The following PCSK6 variants were observed in gnomAD, a reference collection of about 807,000 sequenced individuals.
PCSK6 encodes the protein paired basic amino acid cleaving enzyme 4.
A neutral mutation model predicts 123.3 loss-of-function variants in PCSK6; 85 were observed. That is an observed-to-expected ratio of 0.69 (90% CI 0.58 to 0.83). The LOEUF is 0.83. PCSK6 is among the 40% of genes least tolerant of loss of function. The probability of loss-of-function intolerance (pLI) is 0.00; values close to 1 mark genes in which losing one functional copy is unlikely to be tolerated. For missense variants in PCSK6, 1,191 were observed against 1,282.3 expected, an observed-to-expected ratio of 0.93 and a Z score of 1.09; for synonymous variants, 508 against 516.0, an observed-to-expected ratio of 0.98 and a Z score of 0.21.
At chr15:101,387,114 C>G (rs529930932) in intron 9 of PCSK6, among the ~76,000 whole-genome samples, 2 of 152,366 alleles carry the variant, frequency 1.3e-5, no homozygotes, top group Admixed American at 1.3e-4. Context: ...CACCGTCTCT[C>G]CCCGTCCGTG....
intron 2 of PCSK6, among the ~76,000 whole-genome samples, chr15:101,433,435 T>C (rs1010436268): frequency 6.6e-6 from 1 of 152,222 alleles, no homozygotes; most frequent in African/African-American, 2.4e-5. Flanking sequence ...GATTGAATAA[T>C]GCTCAAAGCT....
intron 2 of PCSK6, among the ~76,000 whole-genome samples, chr15:101,442,521 C>T (rs377618413): frequency 1.7e-3 from 265 of 152,222 alleles, no homozygotes; most frequent in African/African-American, 5.9e-3. Flanking sequence ...CGCGTCTCTC[C>T]AACAGATCCC....
intron 13 of PCSK6, among the ~76,000 whole-genome samples, chr15:101,340,225 G>A (rs2040570468): frequency 6.6e-6 from 1 of 151,980 alleles, no homozygotes; most frequent in African/African-American, 2.4e-5. Context: ...GTACTTACCT[G>A]AGCACACACA....
rs971546345 is a variant in PCSK6, at chr15:101,418,508, T to C, written c.823+9384A>G. On this transcript the variant is annotated intron_variant, in intron 6 of 21. Transcript: ENST00000611716. ...TTATTTCAAAAATGAAAGAAAAAGTTTCCAATTTAGGATTTTTTTTTTTTT... is the reference window on the plus strand; with the variant it reads ...TTATTTCAAAAATGAAAGAAAAAGTCTCCAATTTAGGATTTTTTTTTTTTT... 5.9e-4 allele frequency among the ~76,000 whole-genome samples: 89 copies of C among 150,812 alleles called. 1 individual carries two copies. Among genetic ancestry groups the C allele is most frequent in the African/African-American group, 2.0e-3 (83 of 40,558 alleles).
chr15:101,401,475 C>T (rs1035047464), intron 6 of PCSK6, among the ~76,000 whole-genome samples: 3 of 152,214 alleles, frequency 2.0e-5, no homozygotes, highest in Non-Finnish European at 2.9e-5. Context: ...GACTTAGATG[C>T]CTCGACGCCT....
chr15:101,378,132 ATTTTCT>A (rs775322756), intron 11 of PCSK6, among the ~76,000 whole-genome samples: 2 of 152,208 alleles, frequency 1.3e-5, no homozygotes, highest in Non-Finnish European at 2.9e-5. Flanking sequence ...ACTAAGCTTA[ATTTTCT>A]TTTTCATTTG....
chr15:101,350,644 A>G (rs903791685), intron 13 of PCSK6, among the ~76,000 whole-genome samples: 4 of 152,240 alleles, frequency 2.6e-5, no homozygotes, highest in Admixed American at 2.6e-4. Flanking sequence ...AATGAGGCCA[A>G]TGAAAAAAGA....
At chr15:101,316,445 T>A (rs1261191171) in intron 19 of PCSK6, 1 of 152,208 alleles carries the variant, frequency 6.6e-6, no homozygotes, top group African/African-American at 2.4e-5. Context: ...ATTATTGAAA[T>A]CAAAGAGTTG....
intron 1 of PCSK6, among the ~76,000 whole-genome samples, chr15:101,460,451 C>T (rs1255156699): frequency 6.6e-6 from 1 of 152,198 alleles, no homozygotes. Flanking sequence ...TACATAAGCT[C>T]CCTGATTCCA....
intron 19 of PCSK6, among the ~76,000 whole-genome samples, chr15:101,315,293 G>A (rs748934054): frequency 5.3e-5 from 8 of 152,102 alleles, no homozygotes; most frequent in Non-Finnish European, 8.8e-5. Context: ...GTATTTTACC[G>A]CAATAAAAAA....
chr15:101,390,140 C>T (rs1408393843), intron 8 of PCSK6, among the ~76,000 whole-genome samples: 1 of 44,208 alleles, frequency 2.3e-5, no homozygotes, highest in Non-Finnish European at 4.4e-5. Context: ...ATGTTCTTGA[C>T]CGCCCAAGGC....
intron 1 of PCSK6, among the ~76,000 whole-genome samples, chr15:101,484,998 G>T (rs1237935233): frequency 2.6e-5 from 4 of 152,206 alleles, no homozygotes; most frequent in African/African-American, 9.7e-5. Context: ...AGCAAGTCCA[G>T]CCTCACCGTG....
In PCSK6 at chr15:101,434,759, C is replaced by T. The variant is rs77863117; in HGVS notation, c.403-2659G>A. On this transcript the variant is annotated intron_variant, in intron 2 of 21. Coordinates refer to ENST00000611716, the MANE Select transcript of PCSK6 (RefSeq NM_002570.5). ...AGGCGTGGGGGCTTCTCCGTGGAGA[C>T]GGGATGCAGGCAGACAGCGCGGTGG... 3.0e-3 allele frequency among the ~76,000 whole-genome samples: 457 copies of T among 152,054 alleles called. 3 individuals are homozygous for T. The highest frequency in any genetic ancestry group is 0.01 in the African/African-American group (422 of 41,402).
At position 101,398,901 on chromosome 15, in the gene PCSK6, TTATTTA is replaced by T. The variant is rs145525626; in HGVS notation, c.824-331_824-326del. On this transcript the variant is annotated intron_variant, in intron 6 of 21. Transcript: ENST00000611716. The surrounding 1 kb of genome is among the most constrained non-coding windows in gnomAD (Gnocchi z 4.6). ...ACAAGACCTATTATTATTATTATTA[TTATTTA>T]TTATTATTATTTTGAGACAGAGTCT... 0.11 allele frequency among the ~76,000 whole-genome samples: 16,603 copies of T among 148,752 alleles called. 1,094 individuals are homozygous for T. The highest frequency in any genetic ancestry group is 0.22 in the East Asian group (1,072 of 4,830).
intron 1 of PCSK6, among the ~76,000 whole-genome samples, chr15:101,484,133 C>T (rs2057961767): frequency 6.6e-6 from 1 of 152,118 alleles, no homozygotes. Flanking sequence ...AAAAAAAGTA[C>T]AAAATGTCTA....
intron 9 of PCSK6, among the ~76,000 whole-genome samples, chr15:101,384,902 T>C (rs8037487): frequency 6.6e-6 from 1 of 152,066 alleles, no homozygotes; most frequent in Non-Finnish European, 1.5e-5. Flanking sequence ...GATTCTAAAT[T>C]TGCAAAATAT....
chr15:101,438,828 C>A (rs1281354226), intron 2 of PCSK6, among the ~76,000 whole-genome samples: 3 of 152,240 alleles, frequency 2.0e-5, no homozygotes, highest in Non-Finnish European at 4.4e-5. Context: ...GCTAGAAGAG[C>A]AGGCCAAGTC....
chr15:101,418,909 A>G (rs923401984), intron 6 of PCSK6, among the ~76,000 whole-genome samples: 1 of 152,256 alleles, frequency 6.6e-6, no homozygotes, highest in Non-Finnish European at 1.5e-5. Flanking sequence ...ACTTTTAAAT[A>G]TTCAACATCC....
At chr15:101,383,489 G>A (rs374200583) in intron 10 of PCSK6, among the ~76,000 whole-genome samples, 2 of 150,408 alleles carry the variant, frequency 1.3e-5, no homozygotes, top group Admixed American at 6.6e-5. Context: ...TTCAAAGGCC[G>A]CCAACAGCCA....
Sources: allele counts gnomAD v4.1 joint callset (sites outside exome capture counted in the v4.1 genomes callset), GRCh38; gene constraint gnomAD v4.1.1; non-coding constraint Gnocchi (gnomAD v3.1); transcripts MANE v1.5; gene names NCBI Gene and HGNC (gene_info 2026-07-23, HGNC 2026-07-21).